The following NFU1 variants were observed in gnomAD, a reference collection of about 807,000 sequenced individuals.
The protein encoded by NFU1 is NFU1 iron-sulfur cluster scaffold.
In NFU1, 30 loss-of-function variants were observed where a neutral mutation model predicts 32.2. That is an observed-to-expected ratio of 0.93 (90% CI 0.70 to 1.26). NFU1 has a LOEUF of 1.26. Ranked by LOEUF, NFU1 falls within the 50% of genes most tolerant of loss-of-function variation. NFU1 has a pLI of 0.00. For synonymous variants in NFU1, 112 were observed against 104.6 expected (o/e 1.07, Z -0.43); for missense variants, 306 against 306.6 (o/e 1.00, Z 0.02).
intron 5 of NFU1, chr2:69,411,243 A>G (rs906664300): frequency 6.6e-6 from 1 of 152,166 alleles, no homozygotes; most frequent in Non-Finnish European, 1.5e-5. Context: ...AAACAAAAAT[A>G]CATATACACA....
chr2:69,431,752 A>T, intron 2 of NFU1, 150 bp downstream of exon 2: 2 of 643,546 alleles, frequency 3.1e-6, no homozygotes, highest in East Asian at 2.7e-5. Flanking sequence ...TTAGAAGCCT[A>T]TAAGAAAAAT....
chr2:69,407,036 G>GT (rs1369384616), intron 5 of NFU1, among the ~76,000 whole-genome samples: 1 of 152,112 alleles, frequency 6.6e-6, no homozygotes, highest in Non-Finnish European at 1.5e-5. Context: ...CGCCATGATT[G>GT]TAACTTTCCT....
chr2:69,437,391 G>A lies in NFU1; in HGVS notation c.32C>T (p.Ala11Val). 4 of 1,609,750 alleles carry A rather than the reference G, an allele frequency of 2.5e-6. No homozygotes were observed. Among genetic ancestry groups the A allele is most frequent in the Non-Finnish European group, 3.4e-6 (4 of 1,179,344 alleles). ...GCGCAGCCCGGCGGCAACAGCCGCAGCTCCCCAGCCCCGCCTGGCCGTCGC... is the reference window on the plus strand; with the variant it reads ...GCGCAGCCCGGCGGCAACAGCCGCAACTCCCCAGCCCCGCCTGGCCGTCGC... MAATARRGWG[A>V]AAVAAGLRRR... Residue 11 changes from alanine to valine, a missense_variant, in exon 1 of 8, where the codon GCT becomes GTT. By Grantham distance (64) the Ala-to-Val change is moderately conservative. Coordinates refer to ENST00000410022, the MANE Select transcript of NFU1 (RefSeq NM_001002755.4).
chr2:69,424,346 T>C (rs1673385511), intron 2 of NFU1, among the ~76,000 whole-genome samples: 1 of 151,736 alleles, frequency 6.6e-6, no homozygotes, highest in African/African-American at 2.4e-5. Flanking sequence ...TGGAGTGCAG[T>C]GGCACAATCA....
At chr2:69,396,409 G>A in intron 7 of NFU1, 119 bp from the exon 8 acceptor site, 1 of 693,322 alleles carries the variant, frequency 1.4e-6, no homozygotes. Context: ...TGACAAGCCA[G>A]TAAGAATAAA....
rs1318771722 is a variant in NFU1 at position 69,396,339 on chromosome 2, T to C, written c.721-49A>G. The C allele has an allele frequency of 2.1e-6, 3 of 1,438,728 alleles. No individual in the cohort carries two copies. In the South Asian group the frequency reaches 3.5e-5, roughly 17 times the overall value. 89.1% of individuals were successfully genotyped at this position (1,438,728 alleles called of 1,614,324 possible). A position where few individuals can be genotyped will look rare whatever the true frequency, so the allele number is the denominator to read the frequency against. Reference sequence around the variant, plus strand: ...TTTAAGAATTAAGAAAATGATTAGATTTTGCTGTTTTCCTGATTTTAATAT... The same window carrying C: ...TTTAAGAATTAAGAAAATGATTAGACTTTGCTGTTTTCCTGATTTTAATAT... On this transcript the variant is annotated intron_variant, in intron 7 of 7. Coordinates refer to ENST00000410022, the MANE Select transcript of NFU1 (RefSeq NM_001002755.4).
At chr2:69,420,920 A>G (rs1278517302) in intron 3 of NFU1, among the ~76,000 whole-genome samples, 1 of 152,170 alleles carries the variant, frequency 6.6e-6, no homozygotes, top group Non-Finnish European at 1.5e-5. Context: ...ACTGTGACTT[A>G]TATCAAAAAA....
At chr2:69,402,176 T>C (rs960253866) in intron 6 of NFU1, among the ~76,000 whole-genome samples, 1 of 152,210 alleles carries the variant, frequency 6.6e-6, no homozygotes, top group Non-Finnish European at 1.5e-5. Context: ...ATTATGGGTG[T>C]CAGCCACTGC....
rs560352434 is a variant in NFU1, at chr2:69,421,134, G to A, written c.303-1530C>T. Among the ~76,000 whole-genome samples the A allele has an allele frequency of 3.3e-5, 5 of 152,056 alleles. No homozygotes were observed. The South Asian group carries it at 1.0e-3, about 32-fold the overall frequency. Reference sequence around the variant, plus strand: ...CAGGAGAATAGCTTGAACCCAGGAGGTGGAGGTTGCAGTGAGCCAAGATCA... The same window carrying A: ...CAGGAGAATAGCTTGAACCCAGGAGATGGAGGTTGCAGTGAGCCAAGATCA... On this transcript the variant is annotated intron_variant, in intron 3 of 7. Transcript: ENST00000410022.
chr2:69,437,469 T>A (rs1485685326), upstream of NFU1: 20 of 1,593,516 alleles, frequency 1.3e-5, no homozygotes, highest in Non-Finnish European at 1.7e-5. Context: ...CCACGAAAGA[T>A]CTGCGCAGCC....
chr2:69,400,871 G>A (rs1194250535), intron 6 of NFU1, among the ~76,000 whole-genome samples: 1 of 152,164 alleles, frequency 6.6e-6, no homozygotes, highest in Non-Finnish European at 1.5e-5. Context: ...GACTGCTTGA[G>A]CCCAGGAGTT....
chr2:69,438,136 CAGG>C (rs1194605348), upstream of NFU1, among the ~76,000 whole-genome samples: 8 of 152,136 alleles, frequency 5.3e-5, no homozygotes, highest in Non-Finnish European at 1.2e-4. Flanking sequence ...CAAAAAAAAG[CAGG>C]AGAACACGTT....
chr2:69,419,987 G>A (rs7608909), intron 3 of NFU1, among the ~76,000 whole-genome samples: 102,907 of 151,866 alleles, frequency 0.68, 36,380 homozygotes, highest in African/African-American at 0.9. Flanking sequence ...GCACTGTACT[G>A]AGCACTAAAC....
At chr2:69,420,612 T>C (rs1375556789) in intron 3 of NFU1, among the ~76,000 whole-genome samples, 2 of 152,194 alleles carry the variant, frequency 1.3e-5, no homozygotes, top group East Asian at 3.9e-4. Flanking sequence ...GTTCTGCAAG[T>C]TGCTTTCTTC....
intron 1 of NFU1, among the ~76,000 whole-genome samples, chr2:69,432,415 A>T (rs1411586393): frequency 2.0e-5 from 3 of 152,156 alleles, no homozygotes; most frequent in Non-Finnish European, 4.4e-5. Context: ...TCTCTACTAA[A>T]AATACAAAAT....
chr2:69,437,634 C>A, upstream of NFU1: 1 of 658,242 alleles, frequency 1.5e-6, no homozygotes, highest in Non-Finnish European at 2.7e-6. Flanking sequence ...TTCCCGTTTG[C>A]GCCAACGCTT....
At chr2:69,398,166 T>G (rs1029657584) in intron 7 of NFU1, among the ~76,000 whole-genome samples, 1 of 152,182 alleles carries the variant, frequency 6.6e-6, no homozygotes, top group Non-Finnish European at 1.5e-5. Context: ...GTATAGGACA[T>G]TTGTAAGGCA....
intron 6 of NFU1, among the ~76,000 whole-genome samples, chr2:69,404,753 G>A (rs1047024089): frequency 1.3e-5 from 2 of 150,036 alleles, no homozygotes; most frequent in Non-Finnish European, 3.0e-5. Context: ...CCTAGTAGCT[G>A]GGATTACAGA....
Position 69,411,774 on chromosome 2 carries a change from C to T in NFU1, c.484+3411G>A, listed in dbSNP as rs150358315. Among the ~76,000 whole-genome samples the T allele has an allele frequency of 3.5e-3, 522 of 150,890 alleles. 2 individuals carry two copies. Among genetic ancestry groups the T allele is most frequent in the African/African-American group, 0.012 (499 of 41,112 alleles). ...TGCCCAGCTAATTTTTGTATTTTTT[C>T]GTAAACACAGGGTTTTGCCATATTG... is the stretch of plus-strand genomic sequence containing the variant. On this transcript the variant is annotated intron_variant, in intron 5 of 7. Coordinates refer to ENST00000410022, the MANE Select transcript of NFU1 (RefSeq NM_001002755.4).
Sources: allele counts gnomAD v4.1 joint callset (sites outside exome capture counted in the v4.1 genomes callset), GRCh38; gene constraint gnomAD v4.1.1; transcripts MANE v1.5; gene names NCBI Gene and HGNC (gene_info 2026-07-23, HGNC 2026-07-21).